Variants in PSMC3 observed in about 807,000 individuals in gnomAD.
PSMC3 encodes the protein 26S proteasome regulatory subunit 6A.
A neutral mutation model predicts 52.0 loss-of-function variants in PSMC3; 11 were observed. The observed-to-expected ratio is 0.21, with a 90% CI of 0.13 to 0.35. PSMC3 has a LOEUF of 0.35. Among genes scored for constraint, PSMC3 ranks in the 10% least tolerant of loss-of-function variants. PSMC3 has a pLI of 1.00. For synonymous variants in PSMC3, 201 were observed against 218.8 expected, an observed-to-expected ratio of 0.92 and a Z score of 0.72; for missense variants, 238 against 567.1, an observed-to-expected ratio of 0.42 and a Z score of 5.89.
chr11:47,424,625 G>C lies in PSMC3; in HGVS notation c.372C>G (p.Ile124Met), dbSNP rs1326721756. 1.3e-5 allele frequency: 21 copies of C among 1,613,548 alleles called. No homozygotes were observed. Among genetic ancestry groups the C allele is most frequent in the Non-Finnish European group, 1.7e-5 (20 of 1,179,462 alleles). ...DSQRKGKCAV[I>M]KTSTRQTYFL... Reference sequence around the variant, plus strand: ...CGCTCACCTGTCGTGTAGAGGTTTTGATCACAGCACACTTGCCCTTCCTCT... The same window carrying C: ...CGCTCACCTGTCGTGTAGAGGTTTTCATCACAGCACACTTGCCCTTCCTCT... Residue 124 changes from isoleucine to methionine, a missense_variant, in exon 4 of 12, where the codon ATC becomes ATG. Ile to Met is a conservative substitution (Grantham distance 10). Transcript: ENST00000298852. This position sits in a 1 kb window ranked among gnomAD's most constrained non-coding sequence, Gnocchi z 4.8.
intron 11 of PSMC3, 84 bp downstream of exon 11, chr11:47,419,032 C>G: frequency 6.2e-7 from 1 of 1,606,802 alleles, no homozygotes; most frequent in South Asian, 1.1e-5. Flanking sequence ...CCTCAGCCGT[C>G]TCCACCAGCC....
Position 47,422,908 on chromosome 11 carries a change from A to G in PSMC3, c.657T>C (p.Pro219=). The change falls in exon 7 of 12, where the codon CCT becomes CCC. Residue 219 remains proline, a synonymous_variant. Coordinates refer to ENST00000298852, the MANE Select transcript of PSMC3 (RefSeq NM_002804.5). This position sits in a 1 kb window ranked among gnomAD's most constrained non-coding sequence, Gnocchi z 4.3. ...GCCCATACATCAGCACCCCTTTTGG[A>G]GGTTGGATCCCCAAGTTCTCAAACT... ...KEKFENLGIQ[P]PKGVLMYGPP... 1 of 1,613,796 alleles carries G rather than the reference A, an allele frequency of 6.2e-7. No homozygotes were observed.
chr11:47,425,930 C>T lies in PSMC3; in HGVS notation c.96G>A (p.Glu32=), dbSNP rs750311677. Residue 32 remains glutamate (E), a synonymous_variant, in exon 2 of 12, where the codon GAG becomes GAA. Transcript: ENST00000298852. ...DEAEQDGIGE[E]VLKMSTEEII... is the part of the protein sequence containing the mutation. ...TCTCCTCCGTGGACATCTTGAGCAC[C>T]TCCTCCCCAATTCCATCTTGCTGTA... is the stretch of plus-strand genomic sequence containing the variant. The T allele has an allele frequency of 1.2e-5, 19 of 1,613,754 alleles. 2 individuals carry two copies. The South Asian group carries it at 1.8e-4, about 15-fold the overall frequency.
At chr11:47,425,595 A>C in intron 2 of PSMC3, 2 of 536,454 alleles carry the variant, frequency 3.7e-6, no homozygotes, top group Non-Finnish European at 6.6e-6. Context: ...GCATTTTACT[A>C]AAAGAAGGAT....
chr11:47,425,902 T>C lies in PSMC3; in HGVS notation c.124A>G (p.Ile42Val), dbSNP rs2096045880. 6.2e-7 allele frequency: 1 copy of C among 1,614,030 alleles called. No homozygotes were observed. The highest frequency in any genetic ancestry group is 1.3e-5 in the African/African-American group (1 of 75,066). Reference sequence around the variant, plus strand: ...CTGTCCAGCAGCCGTGTGCGCTGGATGATCTCCTCCGTGGACATCTTGAGC... The same window carrying C: ...CTGTCCAGCAGCCGTGTGCGCTGGACGATCTCCTCCGTGGACATCTTGAGC... ...EVLKMSTEEI[I>V]QRTRLLDSEI... Residue 42 changes from isoleucine to valine, a missense_variant, in exon 2 of 12, where the codon ATC (isoleucine) becomes GTC (valine). Coordinates refer to ENST00000298852, the MANE Select transcript of PSMC3 (RefSeq NM_002804.5).
chr11:47,420,179 G>A, intron 10 of PSMC3, 85 bp downstream of exon 10: 8 of 1,516,300 alleles, frequency 5.3e-6, no homozygotes, highest in Non-Finnish European at 7.3e-6. Flanking sequence ...CGTGGAGGCT[G>A]GGGAAGATCA....
rs1435211154 is a variant in PSMC3, at chr11:47,426,341, T to C, written c.-62A>G. 7.1e-6 allele frequency: 10 copies of C among 1,414,948 alleles called. No individual in the cohort carries two copies. The highest frequency in any genetic ancestry group is 8.7e-6 in the Non-Finnish European group (9 of 1,037,486). The allele number at this position is 1,414,948 out of a possible 1,614,324, so 87.6% of individuals were successfully genotyped here. On this transcript the variant is annotated 5_prime_UTR_variant, in exon 1 of 12. Transcript: ENST00000298852. ...GAGCCGCAACGGGAGATTAATACCG[T>C]CTTTCTTAAAGCCTTCTCTTGACCA...
chr11:47,424,061 G>T lies in PSMC3; in HGVS notation c.576C>A (p.Asp192Glu). 1 of 1,614,150 alleles carries T rather than the reference G, an allele frequency of 6.2e-7. No homozygotes were observed. Among genetic ancestry groups the T allele is most frequent in the Non-Finnish European group, 8.5e-7 (1 of 1,180,030 alleles). ...CCTCCCTCACCTCCTGGATCTGCTT[G>T]TCCAAACCCCCAATGTCACTGTATT... is the stretch of plus-strand genomic sequence containing the variant. ...TEQYSDIGGL[D>E]KQIQELVEAI... The change falls in exon 6 of 12, where the codon GAC becomes GAA. Residue 192 changes from aspartate to glutamate, a missense_variant. This residue lies in a region of PSMC3 where 60 missense variants were observed against 117.3 expected (regional missense o/e 0.51). Coordinates refer to ENST00000298852, the MANE Select transcript of PSMC3 (RefSeq NM_002804.5). This position sits in a 1 kb window ranked among gnomAD's most constrained non-coding sequence, Gnocchi z 4.8.
In PSMC3 at chr11:47,424,505, A is replaced by AC; in HGVS notation, c.391-15dup. On this transcript the variant is annotated splice_polypyrimidine_tract_variant and intron_variant, in intron 4 of 11. Transcript: ENST00000298852. This position sits in a 1 kb window ranked among gnomAD's most constrained non-coding sequence, Gnocchi z 4.8. ...AAGGAAGTACGTCTGTGGACAAGTT[A>AC]CAGGGGCAGTCTCAGTTAGTGTCCT... is the stretch of plus-strand genomic sequence containing the variant. 6.2e-7 allele frequency: 1 copy of AC among 1,613,988 alleles called. No individual in the cohort carries two copies. Among genetic ancestry groups the AC allele is most frequent in the Non-Finnish European group, 8.5e-7 (1 of 1,179,858 alleles).
chr11:47,422,980 G>C lies in PSMC3; in HGVS notation c.592-7C>G, dbSNP rs777532443. On this transcript the variant is annotated splice_region_variant and splice_polypyrimidine_tract_variant and intron_variant, in intron 6 of 11. Coordinates refer to ENST00000298852, the MANE Select transcript of PSMC3 (RefSeq NM_002804.5). The surrounding 1 kb of genome is among the most constrained non-coding windows in gnomAD (Gnocchi z 4.3). ...AGACAATGGCCTCCACCAGCTGCCA[G>C]GAGGAAGTCCTGGGTGAGGAGATGA... 22 of 1,604,878 alleles carry C rather than the reference G, an allele frequency of 1.4e-5. No homozygotes were observed. Among genetic ancestry groups the C allele is most frequent in the Non-Finnish European group, 1.8e-5 (21 of 1,175,472 alleles).
intron 6 of PSMC3, among the ~76,000 whole-genome samples, chr11:47,423,714 G>A (rs867860964): frequency 4.6e-5 from 7 of 152,052 alleles, no homozygotes; most frequent in African/African-American, 7.2e-5. Context: ...GCTTGAACCC[G>A]GGAGGCAGAG....
At chr11:47,423,068 C>T (rs2096042526) in intron 6 of PSMC3, 95 bp from the exon 7 acceptor site, 1 of 1,302,686 alleles carries the variant, frequency 7.7e-7, no homozygotes, top group Non-Finnish European at 1.1e-6. Flanking sequence ...ATCCCTCCTA[C>T]TCTAACTCAG....
chr11:47,426,394 A>G lies in PSMC3; in HGVS notation c.-115T>C. On this transcript the variant is annotated 5_prime_UTR_variant, in exon 1 of 12. Transcript: ENST00000298852. ...GGAAAACCTCTCCCCACAAATCCCG[A>G]CTCTTGACCCGACCAGCTCCGGCCG... 1.0e-6 allele frequency: 1 copy of G among 957,120 alleles called. No homozygotes were observed. Among genetic ancestry groups the G allele is most frequent in the East Asian group, 2.9e-5 (1 of 34,988 alleles). 59.3% of individuals were successfully genotyped at this position (957,120 alleles called of 1,614,324 possible).
chr11:47,422,547 C>T lies in PSMC3; in HGVS notation c.884+27G>A, dbSNP rs750363446. On this transcript the variant is annotated intron_variant, in intron 8 of 11. Coordinates refer to ENST00000298852, the MANE Select transcript of PSMC3 (RefSeq NM_002804.5). This position sits in a 1 kb window ranked among gnomAD's most constrained non-coding sequence, Gnocchi z 4.3. ...CGCTTCCCCTTACCGCCACAGAGAT[C>T]GCTAGGGACCCTTGGCCCTCCCTTA... 9.3e-6 allele frequency: 15 copies of T among 1,612,544 alleles called. No homozygotes were observed. The highest frequency in any genetic ancestry group is 1.7e-4 in the Middle Eastern group (1 of 6,058).
rs2096044761 is a variant in PSMC3, at chr11:47,424,985, A to G, written c.285+136T>C. On this transcript the variant is annotated intron_variant, in intron 3 of 11. Coordinates refer to ENST00000298852, the MANE Select transcript of PSMC3 (RefSeq NM_002804.5). This position sits in a 1 kb window ranked among gnomAD's most constrained non-coding sequence, Gnocchi z 4.8. ...CTTTGCAGGCCCCGTCTTCCCCATG[A>G]AAGTGCCCCAGGAGGTGTAGCTCTG... The G allele has an allele frequency of 2.3e-6, 3 of 1,331,864 alleles. No homozygotes were observed. The highest frequency in any genetic ancestry group is 2.7e-5 in the South Asian group (2 of 75,282). 82.5% of individuals were successfully genotyped at this position (1,331,864 alleles called of 1,614,324 possible).
Position 47,424,832 on chromosome 11 carries a change from C to G in PSMC3, c.286-121G>C. 5.2e-6 allele frequency: 5 copies of G among 957,742 alleles called. No homozygotes were observed. Among genetic ancestry groups the G allele is most frequent in the Non-Finnish European group, 8.1e-6 (5 of 619,094 alleles). 59.3% of individuals were successfully genotyped at this position (957,742 alleles called of 1,614,324 possible). A position where few individuals can be genotyped will look rare whatever the true frequency, so the allele number is the denominator to read the frequency against. The stretch of plus-strand genomic sequence containing the variant: ...CCCTCCTCCAATAGCCCTGAGCCCA[C>G]CAAACGTGGGTGCCCCTGCTAAGCC... On this transcript the variant is annotated intron_variant, in intron 3 of 11. Transcript: ENST00000298852. This position sits in a 1 kb window ranked among gnomAD's most constrained non-coding sequence, Gnocchi z 4.8.
chr11:47,426,289 G>A lies in PSMC3; in HGVS notation c.-10C>T, dbSNP rs1474463174. On this transcript the variant is annotated 5_prime_UTR_variant, in exon 1 of 12. Transcript: ENST00000298852. Reference sequence around the variant, plus strand: ...TCGGCAGCAGATTCATTTCCTGGAGGAGCGGGCAGAAGATGGGACCAGGCG... The same window carrying A: ...TCGGCAGCAGATTCATTTCCTGGAGAAGCGGGCAGAAGATGGGACCAGGCG... 1.3e-6 allele frequency: 2 copies of A among 1,550,514 alleles called. No homozygotes were observed. Among genetic ancestry groups the A allele is most frequent in the Non-Finnish European group, 1.7e-6 (2 of 1,146,412 alleles).
chr11:47,421,249 CAAAAAAAA>C (rs56344837), intron 8 of PSMC3, among the ~76,000 whole-genome samples: 4 of 61,402 alleles, frequency 6.5e-5, no homozygotes, highest in African/African-American at 1.4e-4. Flanking sequence ...GACTCCATCT[CAAAAAAAA>C]AAAAAAAAAA....
chr11:47,419,403 T>C (rs2096037263), intron 10 of PSMC3, among the ~76,000 whole-genome samples: 1 of 152,176 alleles, frequency 6.6e-6, no homozygotes, highest in African/African-American at 2.4e-5. Context: ...AACAGGTTAT[T>C]TCTAGGGTCT....
Sources: gnomAD v4.1 joint callset for allele counts (sites outside exome capture counted in the v4.1 genomes callset) on GRCh38, gnomAD v4.1.1 for gene constraint, gnomAD v4.1.1 regional missense constraint, Gnocchi (gnomAD v3.1) non-coding constraint, MANE v1.5 for transcripts, NCBI Gene and HGNC (gene_info 2026-07-23, HGNC 2026-07-21) for gene names.